The following TKT variants were observed in gnomAD, a reference collection of about 807,000 sequenced individuals.
The protein encoded by TKT is transketolase, also known as epididymis luminal protein 107.
In TKT, 47 loss-of-function variants were observed where a neutral mutation model predicts 63.9. That is an observed-to-expected ratio of 0.74 (90% CI 0.58 to 0.94). TKT has a LOEUF of 0.94. Among genes scored for constraint, TKT ranks in the 40% least tolerant of loss-of-function variants. TKT has a pLI of 0.00. For missense variants in TKT, 721 were observed against 846.2 expected, an observed-to-expected ratio of 0.85 and a Z score of 1.84; for synonymous variants, 338 against 334.1, an observed-to-expected ratio of 1.01 and a Z score of -0.13.
intron 8 of TKT, among the ~76,000 whole-genome samples, 177 bp downstream of exon 8, chr3:53,230,280 C>T (rs1001961088): frequency 1.3e-5 from 2 of 152,244 alleles, no homozygotes; most frequent in Admixed American, 6.5e-5. Flanking sequence ...CTGGGCAGAA[C>T]CTCCCAAACT....
At chr3:53,231,223 A>C in intron 7 of TKT, 134 bp downstream of exon 7, 1 of 980,224 alleles carries the variant, frequency 1.0e-6, no homozygotes, top group Non-Finnish European at 1.5e-6. Flanking sequence ...GACAGGAACA[A>C]CACCTCAGGG....
In TKT at chr3:53,226,756, C is replaced by T. The variant is rs782587506; in HGVS notation, c.1696G>A (p.Gly566Ser). The T allele has an allele frequency of 1.9e-6, 3 of 1,614,180 alleles. No homozygotes were observed. The highest frequency in any genetic ancestry group is 2.2e-5 in the East Asian group (1 of 44,888). Residue 566 changes from glycine to serine, a missense_variant and splice_region_variant, in exon 13 of 14, where the codon GGT becomes AGT. Coordinates refer to ENST00000462138, the MANE Select transcript of TKT (RefSeq NM_001064.4). ...GCCTGCCTGCCCCAGGCCTCCTTACCTTCATAATAATGGTCCTCCACGGTG... is the reference window on the plus strand; with the variant it reads ...GCCTGCCTGCCCCAGGCCTCCTTACTTTCATAATAATGGTCCTCCACGGTG... ...ILTVEDHYYE[G>S]GIGEAVSSAV...
intron 12 of TKT, 165 bp downstream of exon 12, chr3:53,227,891 T>G (rs1482279446): frequency 1.6e-6 from 1 of 626,544 alleles, no homozygotes; most frequent in Admixed American, 3.0e-5. Flanking sequence ...ACAGAACAAG[T>G]GCTCAAAGGA....
chr3:53,252,583 A>G (rs915751055), intron 1 of TKT, among the ~76,000 whole-genome samples: 2 of 152,190 alleles, frequency 1.3e-5, no homozygotes, highest in Admixed American at 1.3e-4. Flanking sequence ...AGACATTACA[A>G]TGTAAACATG....
intron 4 of TKT, 123 bp from the exon 5 acceptor site, chr3:53,235,297 C>G: frequency 1.1e-6 from 1 of 899,486 alleles, no homozygotes; most frequent in East Asian, 2.8e-5. Context: ...ATATGCAGAA[C>G]AGATGGCATT....
chr3:53,231,424 T>C lies in TKT; in HGVS notation c.875A>G (p.Asp292Gly). ...KKILATPPQE[D>G]APSVDIANIR... ...GTTGGCAATGTCCACTGAGGGTGCG[T>C]CCTCCTGTGGAGGGGTTGCCAGGAT... The change falls in exon 7 of 14, where the codon GAC (aspartate) becomes GGC (glycine). Residue 292 changes from aspartate to glycine, a missense_variant. Coordinates refer to ENST00000462138, the MANE Select transcript of TKT (RefSeq NM_001064.4). 6.2e-7 allele frequency: 1 copy of C among 1,614,146 alleles called. No individual in the cohort carries two copies. Among genetic ancestry groups the C allele is most frequent in the Non-Finnish European group, 8.5e-7 (1 of 1,180,020 alleles).
At chr3:53,237,809 C>G (rs1201755856) in intron 4 of TKT, 2 of 151,374 alleles carry the variant, frequency 1.3e-5, no homozygotes, top group African/African-American at 2.4e-5. Context: ...GTAGTCCCAG[C>G]TACTCGGGAG....
Position 53,234,707 on chromosome 3 carries a change from G to A in TKT, c.629+276C>T, listed in dbSNP as rs576781177. 148 of 319,562 alleles carry A rather than the reference G, an allele frequency of 4.6e-4. 2 individuals carry two copies. The highest frequency in any genetic ancestry group is 4.4e-3 in the Middle Eastern group (5 of 1,142). 19.8% of individuals were successfully genotyped at this position (319,562 alleles called of 1,614,324 possible). ...AACCCTCCTTCCTCAAGAACAAAGC[G>A]AGCTGACGTGAGATGGTGTGTGGAA... On this transcript the variant is annotated intron_variant, in intron 5 of 13. Transcript: ENST00000462138.
intron 4 of TKT, among the ~76,000 whole-genome samples, chr3:53,236,833 G>C (rs6768738): frequency 0.17 from 25,918 of 152,226 alleles, 2,273 homozygotes; most frequent in South Asian, 0.19. Flanking sequence ...GAGATGCCAA[G>C]GAAGGGGTTG....
chr3:53,230,775 T>C (rs1262310317), intron 7 of TKT, among the ~76,000 whole-genome samples, 154 bp from the exon 8 acceptor site: 5 of 152,186 alleles, frequency 3.3e-5, no homozygotes, highest in African/African-American at 1.2e-4. Flanking sequence ...TGCTGAAAGG[T>C]TGCCAACGAC....
Position 53,229,129 on chromosome 3 carries a change from C to T in TKT, c.1273G>A (p.Gly425Arg). 6.2e-7 allele frequency: 1 copy of T among 1,614,134 alleles called. No individual in the cohort carries two copies. Among genetic ancestry groups the T allele is most frequent in the Non-Finnish European group, 8.5e-7 (1 of 1,180,022 alleles). The change falls in exon 10 of 14, where the codon GGG becomes AGG. Residue 425 changes from glycine (G) to arginine (R), a missense_variant. Coordinates refer to ENST00000462138, the MANE Select transcript of TKT (RefSeq NM_001064.4). ...SHCGVSIGED[G>R]PSQMALEDLA... is the part of the protein sequence containing the mutation. ...TCTTCTAGGGCCATCTGGGAGGGCC[C>T]GTCTTCCCCTGGGGTGTGGGGGAAA... is the stretch of plus-strand genomic sequence containing the variant.
Position 53,241,129 on chromosome 3 carries a change from T to G in TKT, c.339+3A>C, listed in dbSNP as rs180704294. On this transcript the variant is annotated splice_donor_region_variant and intron_variant, in intron 3 of 13. Transcript: ENST00000462138. ...CATGGGAGGCTCTGGCAGGAGCACT[T>G]ACCGGGACCGGGTGCCCGTCCAAGT... 1,174 of 1,551,760 alleles carry G rather than the reference T, an allele frequency of 7.6e-4. 13 individuals are homozygous for G. The African/African-American group carries it at 0.014, about 19-fold the overall frequency.
At chr3:53,245,971 C>T (rs1705486278) in intron 1 of TKT, among the ~76,000 whole-genome samples, 2 of 152,110 alleles carry the variant, frequency 1.3e-5, no homozygotes, top group Non-Finnish European at 1.5e-5. Context: ...ACACATTCTA[C>T]AGGAAACACA....
At chr3:53,241,393 C>A in intron 2 of TKT, 148 bp from the exon 3 acceptor site, 2 of 646,842 alleles carry the variant, frequency 3.1e-6, no homozygotes. Flanking sequence ...GGCCACTTCT[C>A]CCCTTTCAGC....
At chr3:53,231,669 T>C (rs1704767730) in intron 6 of TKT, 119 bp from the exon 7 acceptor site, 1 of 1,121,658 alleles carries the variant, frequency 8.9e-7, no homozygotes, top group African/African-American at 1.6e-5. Flanking sequence ...AATGGCATCA[T>C]CCCAGACAGG....
chr3:53,253,778 T>G (rs1418678554), intron 1 of TKT, among the ~76,000 whole-genome samples: 1 of 152,028 alleles, frequency 6.6e-6, no homozygotes, highest in Non-Finnish European at 1.5e-5. Context: ...AAAAAATTTT[T>G]TTTTTAAGCT....
intron 1 of TKT, among the ~76,000 whole-genome samples, chr3:53,250,419 CCCACT>C (rs1210155916): frequency 6.6e-6 from 1 of 152,164 alleles, no homozygotes; most frequent in African/African-American, 2.4e-5. Flanking sequence ...GACCCCGGAG[CCCACT>C]CACTCCATCC....
At chr3:53,227,035 C>T in intron 12 of TKT, 157 bp from the exon 13 acceptor site, 1 of 881,518 alleles carries the variant, frequency 1.1e-6, no homozygotes, top group Non-Finnish European at 1.7e-6. Context: ...CCACCTCGTT[C>T]CCATGGCTGA....
At position 53,241,124 on chromosome 3, in the gene TKT, G is replaced by A. The variant is rs1321314407; in HGVS notation, c.339+8C>T. The A allele has an allele frequency of 1.9e-6, 3 of 1,547,972 alleles. No homozygotes were observed. Among genetic ancestry groups the A allele is most frequent in the Non-Finnish European group, 2.6e-6 (3 of 1,155,950 alleles). ...AGAGGCATGGGAGGCTCTGGCAGGA[G>A]CACTTACCGGGACCGGGTGCCCGTC... On this transcript the variant is annotated splice_region_variant and intron_variant, in intron 3 of 13. Transcript: ENST00000462138.
Sources: allele counts gnomAD v4.1 joint callset (sites outside exome capture counted in the v4.1 genomes callset), GRCh38; gene constraint gnomAD v4.1.1; transcripts MANE v1.5; gene names NCBI Gene and HGNC (gene_info 2026-07-23, HGNC 2026-07-21).